Variants in GRID2 observed in about 807,000 individuals in gnomAD.
The protein encoded by GRID2 is glutamate receptor ionotropic, delta-2.
GRID2 carries 33 observed loss-of-function variants against 114.8 expected under a neutral mutation model. The ratio of observed to expected loss-of-function variants is 0.29; its 90% CI spans 0.22 to 0.38. GRID2 has a LOEUF of 0.38. Ranked by LOEUF, GRID2 falls within the 10% of genes least tolerant of loss-of-function variation. The pLI, the probability that GRID2 is intolerant of heterozygous loss-of-function variation, is 1.00. For synonymous variants in GRID2, 505 were observed against 449.9 expected (o/e 1.12, Z -1.55); for missense variants, 1,184 against 1,257.7 (o/e 0.94, Z 0.89).
At position 92,999,732 on chromosome 4, in the gene GRID2, A is replaced by G. The variant is rs772934141; in HGVS notation, c.245-85263A>G. Among the ~76,000 whole-genome samples the G allele has an allele frequency of 9.9e-5, 15 of 151,738 alleles. No individual in the cohort carries two copies. The South Asian group carries it at 1.7e-3, about 17-fold the overall frequency. On this transcript the variant is annotated intron_variant, in intron 2 of 15. Coordinates refer to ENST00000282020, the MANE Select transcript of GRID2 (RefSeq NM_001510.4). ...GATCACAGCTTCTTTTGACCGTTAT[A>G]TATTTTTTTCAAGACAGCCATAAGA...
At chr4:92,355,796 G>T (rs1728289850) in intron 1 of GRID2, among the ~76,000 whole-genome samples, 1 of 151,708 alleles carries the variant, frequency 6.6e-6, no homozygotes, top group Non-Finnish European at 1.5e-5. Flanking sequence ...GAGGTCATTT[G>T]TACTTATAGG....
chr4:93,132,546 A>G (rs1282716364), intron 4 of GRID2, among the ~76,000 whole-genome samples: 1 of 152,178 alleles, frequency 6.6e-6, no homozygotes. Context: ...CCAAATTTTA[A>G]CCTGGGCCCT....
intron 1 of GRID2, among the ~76,000 whole-genome samples, chr4:92,488,702 C>G (rs1458788807): frequency 2.0e-5 from 3 of 152,144 alleles, no homozygotes; most frequent in Admixed American, 1.3e-4. Context: ...GGTAAAAGAA[C>G]GTACCTCTTG....
intron 13 of GRID2, among the ~76,000 whole-genome samples, chr4:93,589,740 C>G (rs1429906934): frequency 6.6e-6 from 1 of 152,100 alleles, no homozygotes; most frequent in Non-Finnish European, 1.5e-5. Context: ...TTAATGATTG[C>G]CATTCTAACT....
chr4:92,917,413 T>C (rs191512674), intron 2 of GRID2, among the ~76,000 whole-genome samples: 56 of 152,326 alleles, frequency 3.7e-4, no homozygotes, highest in African/African-American at 1.3e-3. Flanking sequence ...GCTTTTGGTG[T>C]TCTAGACATG....
At chr4:93,752,490 C>G (rs1732410983) in intron 14 of GRID2, among the ~76,000 whole-genome samples, 1 of 152,170 alleles carries the variant, frequency 6.6e-6, no homozygotes, top group Non-Finnish European at 1.5e-5. Context: ...CCTGCCTCAG[C>G]CTCCTGAGTA....
At chr4:92,876,400 G>C (rs1745634869) in intron 2 of GRID2, among the ~76,000 whole-genome samples, 1 of 151,934 alleles carries the variant, frequency 6.6e-6, no homozygotes, top group Non-Finnish European at 1.5e-5. Context: ...AGCCTCCAGA[G>C]TTCACACCAT....
chr4:93,190,464 A>G (rs1740874406), intron 4 of GRID2, among the ~76,000 whole-genome samples: 1 of 152,146 alleles, frequency 6.6e-6, no homozygotes, highest in Non-Finnish European at 1.5e-5. Flanking sequence ...TTGGTGAACC[A>G]CCTGACAATT....
intron 1 of GRID2, among the ~76,000 whole-genome samples, chr4:92,425,429 A>T (rs533467602): frequency 2.0e-5 from 3 of 152,220 alleles, no homozygotes; most frequent in East Asian, 3.9e-4. Flanking sequence ...GCGACTGATC[A>T]CCACAAAGTG....
At chr4:92,749,805 G>GT (rs1373707073) in intron 2 of GRID2, among the ~76,000 whole-genome samples, 1 of 152,170 alleles carries the variant, frequency 6.6e-6, no homozygotes, top group African/African-American at 2.4e-5. Flanking sequence ...AGGATCAACA[G>GT]TGGAGCAGTG....
intron 1 of GRID2, among the ~76,000 whole-genome samples, chr4:92,343,314 A>G (rs1727603978): frequency 6.6e-6 from 1 of 151,664 alleles, no homozygotes; most frequent in Non-Finnish European, 1.5e-5. Flanking sequence ...ATTATTATAT[A>G]TGTAATATTT....
chr4:93,174,282 A>C (rs1384393887), intron 4 of GRID2, among the ~76,000 whole-genome samples: 2 of 152,142 alleles, frequency 1.3e-5, no homozygotes, highest in South Asian at 4.1e-4. Flanking sequence ...CCAAAACCCC[A>C]ACCCTGACAC....
intron 8 of GRID2, among the ~76,000 whole-genome samples, chr4:93,309,582 T>G (rs148314428): frequency 9.9e-5 from 15 of 151,752 alleles, no homozygotes; most frequent in Non-Finnish European, 1.0e-4. Context: ...AGAAGAAGAA[T>G]TAATGAATGA....
In GRID2 at chr4:93,006,271, C is replaced by T. The variant is rs143753514; in HGVS notation, c.245-78724C>T. ...TGTAACAATAGTTCTGGCTCTGGAG[C>T]CCACACTGAATTAGAAAGACAGACA... is the stretch of plus-strand genomic sequence containing the variant. On this transcript the variant is annotated intron_variant, in intron 2 of 15. Transcript: ENST00000282020. Among the ~76,000 whole-genome samples the T allele has an allele frequency of 1.3e-4, 20 of 152,038 alleles. 1 individual carries two copies. The East Asian group carries it at 3.9e-3, about 29-fold the overall frequency.
chr4:93,632,214 A>G lies in GRID2; in HGVS notation c.2360+5779A>G, dbSNP rs1030122038. Among the ~76,000 whole-genome samples, 23 of 152,276 alleles carry G rather than the reference A, an allele frequency of 1.5e-4. No homozygotes were observed. In the East Asian group the frequency reaches 1.5e-3, roughly 10 times the overall value. On this transcript the variant is annotated intron_variant, in intron 14 of 15. Coordinates refer to ENST00000282020, the MANE Select transcript of GRID2 (RefSeq NM_001510.4). ...TTCTTTTGCTGTGCAGAAGCTCTTT[A>G]GTTTAATGAGATCCCATTTGTCAGT...
At chr4:92,875,077 A>G (rs187207209) in intron 2 of GRID2, among the ~76,000 whole-genome samples, 1 of 151,938 alleles carries the variant, frequency 6.6e-6, no homozygotes, top group Admixed American at 6.6e-5. Context: ...ATTTACGGTG[A>G]AATTTCGTGT....
At chr4:93,039,317 TG>T (rs1725259649) in intron 2 of GRID2, among the ~76,000 whole-genome samples, 1 of 105,950 alleles carries the variant, frequency 9.4e-6, no homozygotes, top group South Asian at 2.8e-4. Flanking sequence ...GGGGCCTGTC[TG>T]GGGGTGGGTG....
At chr4:93,203,895 T>G (rs2149464367) in intron 4 of GRID2, 1 of 152,236 alleles carries the variant, frequency 6.6e-6, no homozygotes, top group East Asian at 1.9e-4. Context: ...ATGAGTCAGG[T>G]TTGAAAGTGG....
intron 2 of GRID2, among the ~76,000 whole-genome samples, chr4:93,041,634 T>C (rs570496768): frequency 1.3e-5 from 2 of 152,304 alleles, no homozygotes; most frequent in South Asian, 2.1e-4. Context: ...AACTAACTCA[T>C]GTTTTAAATG....
Sources: allele counts gnomAD v4.1 joint callset (sites outside exome capture counted in the v4.1 genomes callset), GRCh38; gene constraint gnomAD v4.1.1; transcripts MANE v1.5; gene names NCBI Gene and HGNC (gene_info 2026-07-23, HGNC 2026-07-21).